ACYP2: variants seen among roughly 807,000 people sequenced by gnomAD.
ACYP2 encodes the protein acylphosphatase-2.
In ACYP2, 12 loss-of-function variants were observed where a neutral mutation model predicts 11.2. The ratio of observed to expected loss-of-function variants is 1.08; its 90% CI spans 0.69 to 1.74. ACYP2 has a LOEUF of 1.74. Ranked by LOEUF, ACYP2 falls within the 40% of genes most tolerant of loss-of-function variation. ACYP2 has a pLI of 0.00. For synonymous variants in ACYP2, 43 were observed against 32.2 expected (o/e 1.33, Z -1.13); for missense variants, 134 against 101.9 (o/e 1.31, Z -1.35).
chr2:53,980,214 G>C (rs113311406), intron 2 of ACYP2, among the ~76,000 whole-genome samples: 1 of 151,904 alleles, frequency 6.6e-6, no homozygotes, highest in Non-Finnish European at 1.5e-5. Flanking sequence ...TTAGCCAGGC[G>C]TTATGGAATG....
chr2:54,039,723 G>T (rs1325438515), intron 2 of ACYP2, among the ~76,000 whole-genome samples: 1 of 151,994 alleles, frequency 6.6e-6, no homozygotes, highest in Non-Finnish European at 1.5e-5. Flanking sequence ...CAGCCCTTTG[G>T]AGGGCTTGGA....
At chr2:54,265,520 AATGG>A (rs1465594866) in intron 6 of ACYP2, among the ~76,000 whole-genome samples, 5 of 152,178 alleles carry the variant, frequency 3.3e-5, no homozygotes, top group Admixed American at 3.3e-4. Context: ...TCCTTTTGAC[AATGG>A]ATGAGGCAGC....
intron 6 of ACYP2, among the ~76,000 whole-genome samples, chr2:54,151,835 ATTAC>A (rs1682185689): frequency 6.6e-6 from 1 of 152,178 alleles, no homozygotes; most frequent in African/African-American, 2.4e-5. Flanking sequence ...TGCAGTACTA[ATTAC>A]TTTTTATCTT....
intron 4 of ACYP2, among the ~76,000 whole-genome samples, chr2:54,061,982 T>C (rs1461163527): frequency 1.3e-5 from 2 of 152,236 alleles, no homozygotes; most frequent in Non-Finnish European, 2.9e-5. Flanking sequence ...ATGTATTTTA[T>C]TAATATCTTA....
intron 4 of ACYP2, among the ~76,000 whole-genome samples, chr2:54,076,260 A>G (rs906408972): frequency 6.6e-6 from 1 of 152,254 alleles, no homozygotes; most frequent in African/African-American, 2.4e-5. Context: ...TGGCGGGGGA[A>G]GTCCAAAGAG....
At chr2:54,034,420 A>T (rs535962225) in intron 2 of ACYP2, among the ~76,000 whole-genome samples, 1 of 152,180 alleles carries the variant, frequency 6.6e-6, no homozygotes, top group Non-Finnish European at 1.5e-5. Context: ...GTTTAGATAC[A>T]TCTAGATACA....
At chr2:54,152,139 G>C (rs549474807) in intron 6 of ACYP2, among the ~76,000 whole-genome samples, 1 of 61,070 alleles carries the variant, frequency 1.6e-5, no homozygotes, top group East Asian at 9.0e-4. Flanking sequence ...TTTTTTTTGA[G>C]GCAGAGTTTT....
In ACYP2 at chr2:54,036,373, C is replaced by T. The variant is rs148528195; in HGVS notation, c.63-14585C>T. Among the ~76,000 whole-genome samples the T allele has an allele frequency of 1.1e-3, 174 of 152,324 alleles. No individual in the cohort carries two copies. In the East Asian group the frequency reaches 0.021, roughly 18 times the overall value. ...CCTACCAAAGTGTTGGGATTACAGG[C>T]GTGAGCCACCGCACCCAGCCCAAAG... On this transcript the variant is annotated intron_variant, in intron 2 of 6. Transcript: ENST00000607452.
intron 4 of ACYP2, among the ~76,000 whole-genome samples, chr2:54,110,357 C>T (rs886548301): frequency 2.6e-5 from 4 of 152,134 alleles, no homozygotes; most frequent in East Asian, 1.9e-4. Context: ...AATATACCCA[C>T]GATGCCGTTA....
intron 6 of ACYP2, among the ~76,000 whole-genome samples, chr2:54,211,329 T>C (rs1161184937): frequency 6.6e-6 from 1 of 152,218 alleles, no homozygotes; most frequent in African/African-American, 2.4e-5. Flanking sequence ...CATTTAAACA[T>C]GCAAATAGTT....
chr2:54,262,974 C>T (rs540208448), intron 6 of ACYP2, among the ~76,000 whole-genome samples: 1 of 152,196 alleles, frequency 6.6e-6, no homozygotes, highest in African/African-American at 2.4e-5. Flanking sequence ...GATGCCAGCA[C>T]TATGGGGGGC....
chr2:54,067,008 C>T (rs974814310), intron 4 of ACYP2, among the ~76,000 whole-genome samples: 8 of 152,196 alleles, frequency 5.3e-5, no homozygotes, highest in African/African-American at 1.9e-4. Context: ...TCAACTTGGG[C>T]AGATCAGTTG....
intron 6 of ACYP2, among the ~76,000 whole-genome samples, chr2:54,283,209 C>T (rs1190702296): frequency 1.3e-5 from 2 of 152,222 alleles, no homozygotes; most frequent in African/African-American, 4.8e-5. Flanking sequence ...AATATCTTGC[C>T]TCAAGATTTT....
At chr2:54,092,113 G>A (rs1678267713) in intron 4 of ACYP2, among the ~76,000 whole-genome samples, 1 of 152,106 alleles carries the variant, frequency 6.6e-6, no homozygotes, top group Non-Finnish European at 1.5e-5. Context: ...TCCAGCAGAG[G>A]TACTGGATGG....
chr2:54,230,494 G>A (rs1240166255), intron 6 of ACYP2, among the ~76,000 whole-genome samples: 4 of 151,392 alleles, frequency 2.6e-5, no homozygotes, highest in Non-Finnish European at 5.9e-5. Context: ...GTAGCTGGGC[G>A]CCACCACACC....
At chr2:54,004,910 A>C (rs1194487910) in intron 2 of ACYP2, among the ~76,000 whole-genome samples, 8 of 44,964 alleles carry the variant, frequency 1.8e-4, no homozygotes, top group East Asian at 5.6e-4. Context: ...AAAAAAAAAA[A>C]AAAAACAAAA....
At chr2:54,168,950 G>A (rs1279846338) in intron 6 of ACYP2, among the ~76,000 whole-genome samples, 1 of 152,168 alleles carries the variant, frequency 6.6e-6, no homozygotes, top group African/African-American at 2.4e-5. Context: ...CTGGTAAGAT[G>A]AGCCAAAGCT....
chr2:54,087,738 G>A (rs138642283), intron 4 of ACYP2, among the ~76,000 whole-genome samples: 1 of 152,226 alleles, frequency 6.6e-6, no homozygotes, highest in African/African-American at 2.4e-5. Context: ...CATATGGATG[G>A]GTGAATAAGT....
At chr2:54,055,515 A>G (rs1303845745) in intron 3 of ACYP2, among the ~76,000 whole-genome samples, 1 of 152,250 alleles carries the variant, frequency 6.6e-6, no homozygotes, top group African/African-American at 2.4e-5. Flanking sequence ...CATTCCTACA[A>G]AAATCCTTGT....
Sources: gnomAD v4.1 joint callset for allele counts (sites outside exome capture counted in the v4.1 genomes callset) on GRCh38, gnomAD v4.1.1 for gene constraint, MANE v1.5 for transcripts, NCBI Gene and HGNC (gene_info 2026-07-23, HGNC 2026-07-21) for gene names.